ABCB5: variants seen among roughly 807,000 people sequenced by gnomAD.
ABCB5 encodes ATP binding cassette subfamily B member 5.
In ABCB5, 155 loss-of-function variants were observed where a neutral mutation model predicts 144.2. That is an observed-to-expected ratio of 1.08 (90% CI 0.94 to 1.23). ABCB5 has a LOEUF of 1.23. Among genes scored for constraint, ABCB5 ranks in the 50% most tolerant of loss-of-function variants. The probability of loss-of-function intolerance (pLI) is 0.00; values close to 1 mark genes in which losing one functional copy is unlikely to be tolerated. For synonymous variants in ABCB5, 610 were observed against 528.6 expected, an observed-to-expected ratio of 1.15 and a Z score of -2.11; for missense variants, 1,830 against 1,520.8, an observed-to-expected ratio of 1.20 and a Z score of -3.38.
At chr7:20,704,102 G>T (rs1053236557) in intron 19 of ABCB5, among the ~76,000 whole-genome samples, 2 of 12,118 alleles carry the variant, frequency 1.7e-4, no homozygotes, top group East Asian at 9.8e-3. Flanking sequence ...GTGAGACAGG[G>T]TCTCACTCTG....
intron 20 of ABCB5, among the ~76,000 whole-genome samples, chr7:20,713,454 T>G (rs1039237901): frequency 6.7e-6 from 1 of 149,362 alleles, no homozygotes; most frequent in Non-Finnish European, 1.5e-5. Context: ...CAGGCTGGTC[T>G]TGAACTCCTG....
chr7:20,751,343 G>A (rs112050314), intron 26 of ABCB5, among the ~76,000 whole-genome samples: 1 of 152,130 alleles, frequency 6.6e-6, no homozygotes, highest in African/African-American at 2.4e-5. Context: ...GTGGTGGCGG[G>A]CGCCTGTAGT....
chr7:20,711,791 T>C lies in ABCB5; in HGVS notation c.2421+6984T>C, dbSNP rs1320698326. 2.9e-3 allele frequency among the ~76,000 whole-genome samples: 104 copies of C among 35,268 alleles called. 16 individuals are homozygous for C. The highest frequency in any genetic ancestry group is 3.6e-3 in the Non-Finnish European group (84 of 23,654). The allele number at this position is 35,268 out of a possible 152,430, so 23.1% of individuals were successfully genotyped here. On this transcript the variant is annotated intron_variant, in intron 20 of 27. Transcript: ENST00000404938. ...CTTTCCTTCTTTCTCTTTCTTTCTT[T>C]CTTTCTTTCTTTCTTTCTTTCTTTC... is the stretch of plus-strand genomic sequence containing the variant.
Position 20,669,262 on chromosome 7 carries a change from A to G in ABCB5, c.1707+10586A>G, listed in dbSNP as rs1420783058. On this transcript the variant is annotated intron_variant, in intron 14 of 27. Coordinates refer to ENST00000404938, the MANE Select transcript of ABCB5 (RefSeq NM_001163941.2). ...TCATTGGGGATGGGCCATGATGACA[A>G]TGGCGGTTTTGTGGAATAGAAAGGC... is the stretch of plus-strand genomic sequence containing the variant. Among the ~76,000 whole-genome samples, 10 of 143,890 alleles carry G rather than the reference A, an allele frequency of 6.9e-5. No individual in the cohort carries two copies. In the East Asian group the frequency reaches 2.1e-3, roughly 30 times the overall value. 94.4% of individuals were successfully genotyped at this position (143,890 alleles called of 152,430 possible). A position where few individuals can be genotyped will look rare whatever the true frequency, so the allele number is the denominator to read the frequency against.
At chr7:20,620,797 T>G (rs569510450) in intron 1 of ABCB5, among the ~76,000 whole-genome samples, 1 of 152,264 alleles carries the variant, frequency 6.6e-6, no homozygotes, top group South Asian at 2.1e-4. Flanking sequence ...CTCGTAGGAA[T>G]GTAAAATAAT....
intron 20 of ABCB5, among the ~76,000 whole-genome samples, chr7:20,711,792 C>CTTTCTTTCTTTCT (rs1787053988): frequency 2.7e-5 from 1 of 36,962 alleles, no homozygotes; most frequent in Non-Finnish European, 4.1e-5. Context: ...TTCTTTCTTT[C>CTTTCTTTCTTTCT]TTTCTTTCTT....
chr7:20,631,019 C>CT (rs1338363298), intron 4 of ABCB5, among the ~76,000 whole-genome samples: 1 of 152,124 alleles, frequency 6.6e-6, no homozygotes, highest in Admixed American at 6.6e-5. Flanking sequence ...AACCTTCTAA[C>CT]ATTGGTTTTC....
intron 16 of ABCB5, among the ~76,000 whole-genome samples, chr7:20,687,357 C>G (rs557931433): frequency 1.3e-5 from 2 of 151,718 alleles, no homozygotes; most frequent in Admixed American, 6.6e-5. Flanking sequence ...GGTTTACAAT[C>G]TGATACAACT....
intron 20 of ABCB5, among the ~76,000 whole-genome samples, chr7:20,711,782 T>TCTCTTTCTTTCTCTCTC: frequency 1.4e-5 from 1 of 72,206 alleles, no homozygotes; most frequent in Non-Finnish European, 2.7e-5. Flanking sequence ...TTCTTTCTCT[T>TCTCTTTCTTTCTCTCTC]TCTTTCTTTC....
chr7:20,636,677 C>T (rs540861480), intron 5 of ABCB5, among the ~76,000 whole-genome samples: 69 of 149,326 alleles, frequency 4.6e-4, no homozygotes, highest in Non-Finnish European at 9.2e-4. Context: ...CCCAGCTACT[C>T]GGAAAGTTGA....
chr7:20,688,094 G>A (rs1786062145), intron 16 of ABCB5, among the ~76,000 whole-genome samples: 1 of 151,864 alleles, frequency 6.6e-6, no homozygotes, highest in African/African-American at 2.4e-5. Flanking sequence ...TCGGGAGGCT[G>A]AGGCAGGAGA....
intron 14 of ABCB5, among the ~76,000 whole-genome samples, chr7:20,673,201 T>C (rs1785503455): frequency 6.6e-6 from 1 of 152,136 alleles, no homozygotes; most frequent in South Asian, 2.1e-4. Context: ...TGGTCCCTCT[T>C]AGTAAATGTT....
intron 20 of ABCB5, among the ~76,000 whole-genome samples, chr7:20,721,334 T>G (rs1002361672): frequency 6.6e-6 from 1 of 152,228 alleles, no homozygotes; most frequent in African/African-American, 2.4e-5. Context: ...CCTCATCTAT[T>G]GTACGGGACT....
At chr7:20,636,521 A>G (rs758386303) in intron 5 of ABCB5, among the ~76,000 whole-genome samples, 20 of 152,062 alleles carry the variant, frequency 1.3e-4, no homozygotes, top group Non-Finnish European at 2.2e-4. Flanking sequence ...GCAATGGCTC[A>G]CTCCTGTAAT....
chr7:20,643,122 T>C (rs1784328246), intron 5 of ABCB5, 62 bp from the exon 6 acceptor site: 2 of 1,399,040 alleles, frequency 1.4e-6, no homozygotes, highest in African/African-American at 2.9e-5. Context: ...ATCGATTTTT[T>C]ATGTGTGTAA....
chr7:20,710,898 T>C (rs1241166468), intron 20 of ABCB5, among the ~76,000 whole-genome samples: 1 of 150,098 alleles, frequency 6.7e-6, no homozygotes, highest in Non-Finnish European at 1.5e-5. Context: ...AGTATTCTAT[T>C]TCATCTCTTT....
At chr7:20,722,176 T>C (rs1236590239) in intron 20 of ABCB5, among the ~76,000 whole-genome samples, 1 of 152,248 alleles carries the variant, frequency 6.6e-6, no homozygotes, top group East Asian at 1.9e-4. Flanking sequence ...TACCAAGAAC[T>C]TATCTGTAAG....
In ABCB5 at chr7:20,643,698, T is replaced by G. The variant is rs1427264910; in HGVS notation, c.678+66T>G. 2.6e-6 allele frequency: 4 copies of G among 1,564,102 alleles called. No homozygotes were observed. In the African/African-American group the frequency reaches 5.4e-5, roughly 21 times the overall value. On this transcript the variant is annotated intron_variant, in intron 7 of 27. Coordinates refer to ENST00000404938, the MANE Select transcript of ABCB5 (RefSeq NM_001163941.2). ...GTGTGGACTAAATGACTCACTGAGT[T>G]TGTTCAAAAATGGCTTTTCTATTCA...
Position 20,756,581 on chromosome 7 carries a change from T to C in ABCB5, c.*957T>C, listed in dbSNP as rs1408329186. ...TCATTTGAACCTAGGAGGCAGAGGT[T>C]GCAGTGAGCCGAGATCTCACCACTG... On this transcript the variant is annotated 3_prime_UTR_variant, in exon 28 of 28. Transcript: ENST00000404938. 1.3e-5 allele frequency: 2 copies of C among 149,920 alleles called. No individual in the cohort carries two copies. Among genetic ancestry groups the C allele is most frequent in the East Asian group, 3.9e-4 (2 of 5,086 alleles). 9.3% of individuals were successfully genotyped at this position (149,920 alleles called of 1,614,324 possible).
Sources: gnomAD v4.1 joint callset for allele counts (sites outside exome capture counted in the v4.1 genomes callset) on GRCh38, gnomAD v4.1.1 for gene constraint, MANE v1.5 for transcripts, NCBI Gene and HGNC (gene_info 2026-07-23, HGNC 2026-07-21) for gene names.